PDE10A: variants seen among roughly 807,000 people sequenced by gnomAD.
PDE10A encodes cAMP and cAMP-inhibited cGMP 3',5'-cyclic phosphodiesterase 10A.
PDE10A carries 39 observed loss-of-function variants against 97.7 expected under a neutral mutation model. The observed-to-expected ratio is 0.40, with a 90% CI of 0.31 to 0.52. The LOEUF (loss-of-function observed/expected upper bound fraction) is 0.52, where lower values mean the gene tolerates loss of function less well. Ranked by LOEUF, PDE10A falls within the 20% of genes least tolerant of loss-of-function variation. The pLI is 0.56. For missense variants in PDE10A, 731 were observed against 1,047.8 expected (o/e 0.70, Z 4.17); for synonymous variants, 371 against 376.8 (o/e 0.98, Z 0.18).
chr6:165,565,189 T>C (rs545726154), intron 1 of PDE10A, among the ~76,000 whole-genome samples: 34 of 152,302 alleles, frequency 2.2e-4, no homozygotes, highest in African/African-American at 7.9e-4. Flanking sequence ...TGACTGTCTA[T>C]ATAGAAAAAT....
At chr6:165,966,495 C>T (rs1480848527) in intron 1 of PDE10A, among the ~76,000 whole-genome samples, 1 of 152,238 alleles carries the variant, frequency 6.6e-6, no homozygotes, top group African/African-American at 2.4e-5. Context: ...GTGTTCCAGG[C>T]CTCGCAGCCC....
chr6:165,624,681 C>A (rs1339251220), intron 1 of PDE10A, among the ~76,000 whole-genome samples: 2 of 152,188 alleles, frequency 1.3e-5, no homozygotes, highest in Admixed American at 1.3e-4. Context: ...CACTGAGCAG[C>A]AGCTCTGTAC....
chr6:165,435,089 A>G (rs1260500901), intron 6 of PDE10A, 148 bp downstream of exon 6: 10 of 741,190 alleles, frequency 1.3e-5, no homozygotes. Flanking sequence ...ACAAAAAATT[A>G]ACTTACACAT....
At chr6:165,597,961 C>T (rs1786704289) in intron 1 of PDE10A, among the ~76,000 whole-genome samples, 1 of 152,190 alleles carries the variant, frequency 6.6e-6, no homozygotes, top group African/African-American at 2.4e-5. Context: ...GTAGAACTTG[C>T]CTCCTTGTGA....
At chr6:165,666,945 C>A (rs930563125), upstream of PDE10A, among the ~76,000 whole-genome samples, 8 of 152,162 alleles carry the variant, frequency 5.3e-5, no homozygotes, top group Non-Finnish European at 1.0e-4. Flanking sequence ...TAATTGCTGG[C>A]CTTCCTGTCA....
intron 1 of PDE10A, among the ~76,000 whole-genome samples, chr6:165,772,244 G>C (rs1562728766): frequency 6.6e-6 from 1 of 152,146 alleles, no homozygotes. Flanking sequence ...ACATTATGGG[G>C]ATTATTTTCA....
intron 1 of PDE10A, among the ~76,000 whole-genome samples, chr6:165,649,194 G>A (rs1017784923): frequency 6.6e-6 from 1 of 152,154 alleles, no homozygotes; most frequent in Admixed American, 6.5e-5. Context: ...TTAAAGGTCA[G>A]GAAAGGGTTC....
chr6:165,729,313 G>A (rs934596232), intron 1 of PDE10A, among the ~76,000 whole-genome samples: 2 of 152,002 alleles, frequency 1.3e-5, no homozygotes, highest in African/African-American at 4.8e-5. Flanking sequence ...AATTTTTTCT[G>A]CCCAATTCTA....
At chr6:165,916,424 A>G (rs1185447589) in intron 1 of PDE10A, among the ~76,000 whole-genome samples, 1 of 152,192 alleles carries the variant, frequency 6.6e-6, no homozygotes, top group Non-Finnish European at 1.5e-5. Flanking sequence ...AGATTTGCCC[A>G]TTTCAGTTTT....
chr6:165,705,410 T>C (rs1211143892), intron 1 of PDE10A, among the ~76,000 whole-genome samples: 1 of 152,040 alleles, frequency 6.6e-6, no homozygotes, highest in Admixed American at 6.6e-5. Flanking sequence ...GGCTCAGGAG[T>C]TCTTGTACAG....
chr6:165,691,099 T>TCTCTCTCTCTCTC lies in PDE10A; in HGVS notation c.-614-147532_-614-147531insGAGAGAGAGAGAG, dbSNP rs34189554. Among the ~76,000 whole-genome samples, 4 of 53,298 alleles carry TCTCTCTCTCTCTC rather than the reference T, an allele frequency of 7.5e-5. 1 individual carries two copies. Among genetic ancestry groups the TCTCTCTCTCTCTC allele is most frequent in the African/African-American group, 4.7e-4 (4 of 8,556 alleles). 35.0% of individuals were successfully genotyped at this position (53,298 alleles called of 152,430 possible). A position where few individuals can be genotyped will look rare whatever the true frequency, so the allele number is the denominator to read the frequency against. ...TTTCTCTCTCTCTCTCTCTCTCTCT[T>TCTCTCTCTCTCTC]TCTCTCTCCCCCCCCCCATCAGTGC... On this transcript the variant is annotated intron_variant, in intron 1 of 19. Transcript: ENST00000366882.
chr6:165,439,158 C>T lies in PDE10A; in HGVS notation c.1195-3781G>A, dbSNP rs546069910. ...ATATTCAGATTAATAAGATAAAAAA[C>T]CTTATGCTATTTTCATAGAAGGATG... On this transcript the variant is annotated intron_variant, in intron 5 of 21. Transcript: ENST00000539869. 7.9e-5 allele frequency among the ~76,000 whole-genome samples: 12 copies of T among 152,034 alleles called. No homozygotes were observed. In the South Asian group the frequency reaches 2.3e-3, roughly 29 times the overall value.
chr6:165,595,341 T>C (rs1786524109), intron 1 of PDE10A, among the ~76,000 whole-genome samples: 2 of 152,324 alleles, frequency 1.3e-5, no homozygotes, highest in South Asian at 2.1e-4. Context: ...GGCTATATTA[T>C]AGAGTTAAGA....
intron 1 of PDE10A, among the ~76,000 whole-genome samples, chr6:165,975,387 T>C (rs1399799994): frequency 6.6e-6 from 1 of 152,184 alleles, no homozygotes; most frequent in African/African-American, 2.4e-5. Context: ...GGGTGATTAG[T>C]TGGGCTCAAG....
intron 1 of PDE10A, among the ~76,000 whole-genome samples, chr6:165,569,366 A>C (rs1444846801): frequency 1.3e-5 from 2 of 152,224 alleles, no homozygotes; most frequent in Non-Finnish European, 2.9e-5. Flanking sequence ...CACATGAAGA[A>C]ATGAATTTAT....
chr6:165,839,908 A>ACCACAT (rs1562762600), intron 1 of PDE10A, among the ~76,000 whole-genome samples: 12 of 11,668 alleles, frequency 1.0e-3, no homozygotes, highest in East Asian at 5.1e-3. Flanking sequence ...CCCATCTCCA[A>ACCACAT]CTCCATCCCC....
intron 18 of PDE10A, among the ~76,000 whole-genome samples, chr6:165,373,430 G>A (rs377061769): frequency 8.5e-5 from 13 of 152,048 alleles, no homozygotes; most frequent in East Asian, 1.9e-4. Flanking sequence ...GGATATGAAC[G>A]GACACTTCTC....
chr6:165,923,465 C>T (rs1377054878), intron 1 of PDE10A, among the ~76,000 whole-genome samples: 1 of 152,186 alleles, frequency 6.6e-6, no homozygotes, highest in South Asian at 2.1e-4. Flanking sequence ...CATTGGCTCA[C>T]CAATATTTTG....
At chr6:165,518,095 AAT>A (rs1328213379) in intron 2 of PDE10A, among the ~76,000 whole-genome samples, 1 of 152,190 alleles carries the variant, frequency 6.6e-6, no homozygotes, top group African/African-American at 2.4e-5. Flanking sequence ...GCCTGAACAA[AAT>A]ATTTTGCTAA....
Sources: allele counts gnomAD v4.1 joint callset (sites outside exome capture counted in the v4.1 genomes callset), GRCh38; gene constraint gnomAD v4.1.1; transcripts MANE v1.5; gene names NCBI Gene and HGNC (gene_info 2026-07-23, HGNC 2026-07-21).